The following KDM6A variants were observed in gnomAD, a reference collection of about 807,000 sequenced individuals.
The protein encoded by KDM6A is lysine-specific demethylase 6A.
KDM6A carries 11 observed loss-of-function variants against 117.6 expected under a neutral mutation model. That is an observed-to-expected ratio of 0.09 (90% confidence interval 0.06 to 0.15). KDM6A has a LOEUF of 0.15. Ranked by LOEUF, KDM6A falls within the 10% of genes least tolerant of loss-of-function variation. The pLI is 1.00. For synonymous variants in KDM6A, 384 were observed against 396.1 expected (o/e 0.97, Z 0.36); for missense variants, 799 against 1,077.3 (o/e 0.74, Z 3.62).
In KDM6A at chrX:45,037,679, A is replaced by G. The variant is rs2042876693; in HGVS notation, c.644A>G (p.Tyr215Cys). ...GTTCAATTTCACATTGCCCACTTAT[A>G]TGAAACCCAGGTAAGTATTTTAACT... ...AEIQFHIAHL[Y>C]ETQRKYHSAK... Residue 215 changes from tyrosine to cysteine, a missense_variant, in exon 8 of 30, where the codon TAT becomes TGT. Physicochemically the swap from Tyr to Cys is radical, Grantham distance 194. Around this residue, in one of 8 missense-constraint regions of KDM6A, gnomAD observed 63 missense variants for 68.2 expected, o/e 0.92. Transcript: ENST00000611820. 1.7e-6 allele frequency: 2 copies of G among 1,198,627 alleles called. No homozygotes were observed. Among genetic ancestry groups the G allele is most frequent in the Non-Finnish European group, 2.3e-6 (2 of 885,637 alleles).
chrX:44,968,970 CAAAA>C (rs57829328), intron 3 of KDM6A, among the ~76,000 whole-genome samples: 5 of 50,847 alleles, frequency 9.8e-5, no homozygotes, highest in African/African-American at 2.2e-4. Flanking sequence ...AACTCCATCT[CAAAA>C]AAAAAAAAAA....
At chrX:44,908,542 T>C (rs1187911167) in intron 2 of KDM6A, among the ~76,000 whole-genome samples, 1 of 111,172 alleles carries the variant, frequency 9.0e-6, no homozygotes, top group Non-Finnish European at 1.9e-5. Context: ...CCAGCGTGGC[T>C]CGTTTAAGGT....
chrX:45,008,747 T>A (rs924062028), intron 4 of KDM6A, among the ~76,000 whole-genome samples: 2 of 111,515 alleles, frequency 1.8e-5, no homozygotes, highest in Admixed American at 9.5e-5. Flanking sequence ...GGATAGTAGA[T>A]GAATGATCCT....
chrX:45,024,927 A>G (rs1336534114), intron 6 of KDM6A, among the ~76,000 whole-genome samples: 1 of 111,883 alleles, frequency 8.9e-6, no homozygotes, highest in Non-Finnish European at 1.9e-5. Flanking sequence ...ATGTGAAGCT[A>G]ATGCTCAGCA....
chrX:44,873,835 G>T (rs2031128854), intron 1 of KDM6A, 89 bp from the exon 2 acceptor site: 1 of 1,147,647 alleles, frequency 8.7e-7, no homozygotes, highest in Non-Finnish European at 1.2e-6. Flanking sequence ...CGCTCTTCGC[G>T]CCGCCTCCGC....
In KDM6A at chrX:44,953,008, TC is replaced by T. The variant is rs778415854; in HGVS notation, c.226-8270del. ...TGTTGCCCAGGCTGGTCTCCAGTAA[TC>T]CCCCCACCTCAGCCTCCCAAAGTGC... On this transcript the variant is annotated intron_variant, in intron 2 of 29. Coordinates refer to ENST00000611820, the MANE Select transcript of KDM6A (RefSeq NM_001291415.2). Among the ~76,000 whole-genome samples the T allele has an allele frequency of 1.1e-3, 124 of 110,163 alleles. 1 individual carries two copies. Among genetic ancestry groups the T allele is most frequent in the Non-Finnish European group, 1.4e-3 (75 of 52,741 alleles).
chrX:44,895,912 G>T (rs2033811304), intron 2 of KDM6A, among the ~76,000 whole-genome samples: 1 of 104,491 alleles, frequency 9.6e-6, no homozygotes, highest in African/African-American at 3.5e-5. Context: ...TAATGTTTTT[G>T]AATATATTTC....
At chrX:45,018,877 A>T (rs1458780822) in intron 5 of KDM6A, among the ~76,000 whole-genome samples, 1 of 111,690 alleles carries the variant, frequency 9.0e-6, no homozygotes, top group Non-Finnish European at 1.9e-5. Flanking sequence ...CCATAATTTT[A>T]TTATTATAAA....
intron 27 of KDM6A, among the ~76,000 whole-genome samples, chrX:45,098,866 C>G (rs1818458880): frequency 8.9e-6 from 1 of 111,799 alleles, no homozygotes; most frequent in Admixed American, 9.5e-5. Context: ...GTTAATATAT[C>G]TAGTCTCCTT....
chrX:44,985,169 A>T (rs1398088364), intron 4 of KDM6A, among the ~76,000 whole-genome samples: 1 of 110,642 alleles, frequency 9.0e-6, no homozygotes, highest in East Asian at 2.8e-4. Flanking sequence ...ATTCTCTTTG[A>T]AGCAATTGTG....
intron 8 of KDM6A, among the ~76,000 whole-genome samples, chrX:45,044,714 C>T (rs2043447283): frequency 8.9e-6 from 1 of 111,972 alleles, no homozygotes; most frequent in South Asian, 3.6e-4. Flanking sequence ...GGAAATCATT[C>T]TGTATCAGTA....
intron 12 of KDM6A, 49 bp downstream of exon 12, chrX:45,059,515 C>T: frequency 1.1e-6 from 1 of 917,170 alleles, no homozygotes. Context: ...TTCCCCAGAA[C>T]ACTCAGGCAG....
chrX:44,916,750 ATCC>A (rs1314174469), intron 2 of KDM6A, among the ~76,000 whole-genome samples: 3 of 110,072 alleles, frequency 2.7e-5, no homozygotes, highest in Non-Finnish European at 5.7e-5. Context: ...GGCTCAAGCA[ATCC>A]TCCCACCTCA....
At position 45,112,130 on chromosome X, in the gene KDM6A, T is replaced by C. The variant is rs1365820443; in HGVS notation, c.*719T>C. On this transcript the variant is annotated 3_prime_UTR_variant, in exon 30 of 30. Transcript: ENST00000611820. Reference sequence around the variant, plus strand: ...TGCTGTTATTTTTTCCAGATTTACCTGCCATTGAAATTTTAAGGAGTTCTG... The same window carrying C: ...TGCTGTTATTTTTTCCAGATTTACCCGCCATTGAAATTTTAAGGAGTTCTG... 1.2e-5 allele frequency: 2 copies of C among 163,584 alleles called. No individual in the cohort carries two copies. Among genetic ancestry groups the C allele is most frequent in the Non-Finnish European group, 2.4e-5 (2 of 85,058 alleles). The allele number at this position is 163,584 out of a possible 1,213,427, so 13.5% of individuals were successfully genotyped here. A position where few individuals can be genotyped will look rare whatever the true frequency, so the allele number is the denominator to read the frequency against.
At chrX:44,998,292 CTG>C (rs2040963977) in intron 4 of KDM6A, among the ~76,000 whole-genome samples, 1 of 111,502 alleles carries the variant, frequency 9.0e-6, no homozygotes. Context: ...AAAATGAACT[CTG>C]TGAATAGAAG....
chrX:44,977,664 G>T (rs1325729885), intron 4 of KDM6A, among the ~76,000 whole-genome samples: 2 of 111,708 alleles, frequency 1.8e-5, no homozygotes, highest in African/African-American at 6.5e-5. Flanking sequence ...TGAACCATTT[G>T]CATTTATTTC....
At chrX:45,000,716 C>T (rs1380470724) in intron 4 of KDM6A, among the ~76,000 whole-genome samples, 4 of 112,750 alleles carry the variant, frequency 3.5e-5, no homozygotes, top group Non-Finnish European at 7.5e-5. Context: ...TTGGATGGCC[C>T]TCGGGGGCTG....
intron 2 of KDM6A, among the ~76,000 whole-genome samples, chrX:44,946,925 C>G (rs2037671301): frequency 9.0e-6 from 1 of 111,596 alleles, no homozygotes; most frequent in African/African-American, 3.3e-5. Flanking sequence ...CTCATGGTAT[C>G]TGGCACAATG....
chrX:45,050,751 C>T (rs1290959581), intron 8 of KDM6A, among the ~76,000 whole-genome samples: 1 of 110,254 alleles, frequency 9.1e-6, no homozygotes, highest in Non-Finnish European at 1.9e-5. Context: ...GGTTTGTAAC[C>T]ATAGCAATAA....
Sources: gnomAD v4.1 joint callset for allele counts (sites outside exome capture counted in the v4.1 genomes callset) on GRCh38, gnomAD v4.1.1 for gene constraint, gnomAD v4.1.1 regional missense constraint, MANE v1.5 for transcripts, NCBI Gene and HGNC (gene_info 2026-07-23, HGNC 2026-07-21) for gene names.